PGBD2: variants seen among roughly 807,000 people sequenced by gnomAD.
PGBD2 encodes piggyBac transposable element-derived protein 2.
Under a neutral mutation model 8.1 loss-of-function variants are expected in PGBD2, and 6 were observed. The ratio of observed to expected loss-of-function variants is 0.74; its 90% CI spans 0.40 to 1.46. The LOEUF (loss-of-function observed/expected upper bound fraction) is 1.46, where lower values mean the gene tolerates loss of function less well. PGBD2 is among the 40% of genes most tolerant of loss of function. The probability of loss-of-function intolerance (pLI) is 0.02; values close to 1 mark genes in which losing one functional copy is unlikely to be tolerated. For missense variants in PGBD2, 802 were observed against 739.0 expected, an observed-to-expected ratio of 1.09 and a Z score of -0.99; for synonymous variants, 318 against 272.2, an observed-to-expected ratio of 1.17 and a Z score of -1.66.
chr1:248,905,186 A>AT (rs984603540), upstream of PGBD2, among the ~76,000 whole-genome samples: 1 of 152,180 alleles, frequency 6.6e-6, no homozygotes, highest in East Asian at 1.9e-4. Flanking sequence ...AATGAGCATG[A>AT]TTTTTTTCTT....
the PGBD2 span, among the ~76,000 whole-genome samples, chr1:248,892,817 A>G: frequency 3.2e-4 from 48 of 152,216 alleles, no homozygotes; most frequent in Non-Finnish European, 6.0e-4. Context: ...TGACCTTTGG[A>G]TGGGTTGGAG....
chr1:248,907,041 C>T (rs1202623306), intron 1 of PGBD2, among the ~76,000 whole-genome samples: 1 of 152,100 alleles, frequency 6.6e-6, no homozygotes, highest in African/African-American at 2.4e-5. Flanking sequence ...GACCGGCACT[C>T]AGCATACCAA....
chr1:248,890,964 A>C, the PGBD2 span, among the ~76,000 whole-genome samples: 2 of 151,030 alleles, frequency 1.3e-5, no homozygotes, highest in South Asian at 4.2e-4. Context: ...CTCTCTACAC[A>C]CCACAGACAT....
chr1:248,900,845 T>C, the PGBD2 span, among the ~76,000 whole-genome samples: 1 of 152,180 alleles, frequency 6.6e-6, no homozygotes, highest in Non-Finnish European at 1.5e-5. Context: ...GAAAACCCCA[T>C]TGGGTCAGCC....
chr1:248,876,895 T>C, the PGBD2 span, among the ~76,000 whole-genome samples: 1 of 152,226 alleles, frequency 6.6e-6, no homozygotes, highest in Non-Finnish European at 1.5e-5. Context: ...TGGTTCTCTT[T>C]ATGTAAATAA....
chr1:248,906,950 A>G (rs1213027156), intron 1 of PGBD2, among the ~76,000 whole-genome samples: 1 of 152,096 alleles, frequency 6.6e-6, no homozygotes, highest in Admixed American at 6.6e-5. Context: ...CCTGTGGGAT[A>G]TCTTGTCAGG....
At chr1:248,930,067 AG>A in the PGBD2 span, among the ~76,000 whole-genome samples, 5 of 152,204 alleles carry the variant, frequency 3.3e-5, no homozygotes, top group African/African-American at 1.2e-4. Context: ...TGTGCTGAGG[AG>A]GGAGCTCTGC....
At chr1:248,922,434 T>C (rs1662305328), downstream of PGBD2, among the ~76,000 whole-genome samples, 1 of 152,220 alleles carries the variant, frequency 6.6e-6, no homozygotes, top group African/African-American at 2.4e-5. Flanking sequence ...TCTTCCTATT[T>C]GAATACCCTT....
chr1:248,912,589 CAT>C (rs1212468428), intron 1 of PGBD2: 5 of 152,150 alleles, frequency 3.3e-5, no homozygotes, highest in African/African-American at 1.2e-4. Flanking sequence ...ATATTTCAAA[CAT>C]ACAGAAAATA....
the PGBD2 span, among the ~76,000 whole-genome samples, chr1:248,893,227 G>A: frequency 6.6e-6 from 1 of 152,026 alleles, no homozygotes; most frequent in Non-Finnish European, 1.5e-5. Flanking sequence ...TGTTGTTTTC[G>A]ATAAGAACAT....
chr1:248,895,655 G>A, the PGBD2 span, among the ~76,000 whole-genome samples: 1 of 151,876 alleles, frequency 6.6e-6, no homozygotes, highest in Non-Finnish European at 1.5e-5. Flanking sequence ...TTTGGTACCT[G>A]AGCAGTGTAC....
chr1:248,914,364 C>A (rs1168959108), intron 2 of PGBD2: 1 of 976,684 alleles, frequency 1.0e-6, no homozygotes, highest in Non-Finnish European at 1.2e-6. Context: ...TGCTGTACCC[C>A]TTACTCCAAG....
At chr1:248,888,734 T>C in the PGBD2 span, among the ~76,000 whole-genome samples, 2 of 152,228 alleles carry the variant, frequency 1.3e-5, no homozygotes, top group African/African-American at 4.8e-5. Context: ...CAGAAGCTCT[T>C]TAGTTTAATT....
At chr1:248,896,510 T>C in the PGBD2 span, among the ~76,000 whole-genome samples, 1 of 152,256 alleles carries the variant, frequency 6.6e-6, no homozygotes, top group African/African-American at 2.4e-5. Context: ...AGTGGCACGA[T>C]CACAGCTCAC....
chr1:248,909,155 A>G (rs1661772611), intron 1 of PGBD2, among the ~76,000 whole-genome samples: 1 of 152,162 alleles, frequency 6.6e-6, no homozygotes, highest in African/African-American at 2.4e-5. Flanking sequence ...AGCACTGGTT[A>G]CCCATGTCCT....
chr1:248,911,936 G>A (rs1003717365), intron 1 of PGBD2, among the ~76,000 whole-genome samples: 2 of 151,956 alleles, frequency 1.3e-5, no homozygotes, highest in African/African-American at 4.8e-5. Context: ...AGGGGTTGTT[G>A]GTCTATTCTT....
At chr1:248,880,481 T>C in the PGBD2 span, among the ~76,000 whole-genome samples, 1 of 152,248 alleles carries the variant, frequency 6.6e-6, no homozygotes, top group Admixed American at 6.5e-5. Context: ...ATTTAGAATC[T>C]AGTTTCTATG....
rs1286637508 is a variant in PGBD2, at chr1:248,916,934, T to C, written c.350T>C (p.Ile117Thr). The change falls in exon 3 of 3, where the codon ATT (isoleucine) becomes ACT (threonine). Residue 117 changes from isoleucine (I) to threonine (T), a missense_variant. Physicochemically the swap from Ile to Thr is moderately conservative, Grantham distance 89. Transcript: ENST00000329291. ...CAGCGCATTTGGACCAAAAGAGATA[T>C]TCGTCCAGACTTTGGCAGTTGGACT... ...KPQRIWTKRD[I>T]RPDFGSWTAS... 8 of 1,613,848 alleles carry C rather than the reference T, an allele frequency of 5.0e-6. No homozygotes were observed. The highest frequency in any genetic ancestry group is 5.9e-6 in the Non-Finnish European group (7 of 1,179,870).
At chr1:248,901,895 G>GGAATAAAAACAAATTTACAA (rs1661540379), upstream of PGBD2, among the ~76,000 whole-genome samples, 1 of 152,032 alleles carries the variant, frequency 6.6e-6, no homozygotes, top group Non-Finnish European at 1.5e-5. Flanking sequence ...GAGTCTACAA[G>GGAATAAAAACAAATTTACAA]GAATAAAAAC....
Sources: gnomAD v4.1 joint callset for allele counts (sites outside exome capture counted in the v4.1 genomes callset) on GRCh38, gnomAD v4.1.1 for gene constraint, MANE v1.5 for transcripts, NCBI Gene and HGNC (gene_info 2026-07-23, HGNC 2026-07-21) for gene names.